Variants in GLRA3 observed in about 807,000 individuals in gnomAD.
The protein encoded by GLRA3 is glycine receptor alpha 3.
A neutral mutation model predicts 60.4 loss-of-function variants in GLRA3; 44 were observed. That is an observed-to-expected ratio of 0.73 (90% CI 0.57 to 0.94). GLRA3 has a LOEUF of 0.94. Among genes scored for constraint, GLRA3 ranks in the 40% least tolerant of loss-of-function variants. GLRA3 has a pLI of 0.00. For synonymous variants in GLRA3, 223 were observed against 192.9 expected (o/e 1.16, Z -1.29); for missense variants, 508 against 564.6 (o/e 0.90, Z 1.02).
chr4:174,688,074 A>G (rs1375954574), intron 5 of GLRA3, among the ~76,000 whole-genome samples: 1 of 151,920 alleles, frequency 6.6e-6, no homozygotes, highest in Admixed American at 6.6e-5. Context: ...GTAACACTTC[A>G]GTAGATAATT....
At chr4:174,782,057 A>G (rs1362803971) in intron 2 of GLRA3, among the ~76,000 whole-genome samples, 3 of 148,660 alleles carry the variant, frequency 2.0e-5, no homozygotes, top group Non-Finnish European at 4.5e-5. Flanking sequence ...ACATTGATGC[A>G]AAAATCCTCA....
At chr4:174,784,780 T>A (rs187251681) in intron 2 of GLRA3, among the ~76,000 whole-genome samples, 2 of 152,296 alleles carry the variant, frequency 1.3e-5, no homozygotes, top group Non-Finnish European at 1.5e-5. Flanking sequence ...TAATAGTTTT[T>A]AAAATCATTA....
At chr4:174,765,203 A>G (rs1738094377) in intron 3 of GLRA3, among the ~76,000 whole-genome samples, 1 of 152,078 alleles carries the variant, frequency 6.6e-6, no homozygotes, top group Non-Finnish European at 1.5e-5. Flanking sequence ...TGTTAAGGTA[A>G]GAAATTTAAC....
chr4:174,727,566 A>G (rs1339276542), intron 4 of GLRA3, among the ~76,000 whole-genome samples: 1 of 152,222 alleles, frequency 6.6e-6, no homozygotes, highest in Non-Finnish European at 1.5e-5. Context: ...GTTCTTCACA[A>G]CTAAACTAAA....
chr4:174,705,153 A>G (rs1416808676), intron 5 of GLRA3, among the ~76,000 whole-genome samples: 1 of 144,186 alleles, frequency 6.9e-6, no homozygotes, highest in African/African-American at 2.5e-5. Flanking sequence ...ATTGTAGCAG[A>G]GTTAAGAGGC....
Position 174,642,835 on chromosome 4 carries a change from T to C in GLRA3, c.*951A>G. The C allele has an allele frequency of 1.3e-6, 1 of 753,738 alleles. No individual in the cohort carries two copies. The highest frequency in any genetic ancestry group is 1.6e-6 in the Non-Finnish European group (1 of 618,854). 46.7% of individuals were successfully genotyped at this position (753,738 alleles called of 1,614,324 possible). A position where few individuals can be genotyped will look rare whatever the true frequency, so the allele number is the denominator to read the frequency against. ...CCATGAATCCATTTTGTTTTCATTG[T>C]ATTCATTTTTATCAAAATGTAAATA... On this transcript the variant is annotated 3_prime_UTR_variant, in exon 10 of 10. Transcript: ENST00000274093.
Position 174,716,742 on chromosome 4 carries a change from T to G in GLRA3, c.492-1172A>C, listed in dbSNP as rs151301459. Among the ~76,000 whole-genome samples the G allele has an allele frequency of 4.4e-3, 665 of 152,252 alleles. 3 individuals carry two copies. Among genetic ancestry groups the G allele is most frequent in the Admixed American group, 7.9e-3 (120 of 15,284 alleles). ...GAGTTGCTATGAGCAGTACATGCGT[T>G]AACACACATAAGTGCTTAGACAAGT... On this transcript the variant is annotated intron_variant, in intron 4 of 9. Coordinates refer to ENST00000274093, the MANE Select transcript of GLRA3 (RefSeq NM_006529.4).
intron 1 of GLRA3, among the ~76,000 whole-genome samples, chr4:174,800,606 C>G (rs1159327591): frequency 2.0e-5 from 3 of 151,974 alleles, no homozygotes; most frequent in Non-Finnish European, 4.4e-5. Flanking sequence ...ACCAAACCCC[C>G]CCCGCCAAAA....
rs148953818 is a variant in GLRA3 at position 174,647,278 on chromosome 4, G to C, written c.1117-3214C>G. Among the ~76,000 whole-genome samples, 751 of 152,032 alleles carry C rather than the reference G, an allele frequency of 4.9e-3. 8 individuals are homozygous for C. Among genetic ancestry groups the C allele is most frequent in the African/African-American group, 0.017 (696 of 41,466 alleles). ...GAAAAATTAGCCAGGTGTGGTGGTG[G>C]GCGCCTGTGGGCCCAGCTACTCTGG... On this transcript the variant is annotated intron_variant, in intron 9 of 9. Transcript: ENST00000274093.
At chr4:174,703,913 G>GA (rs34791728) in intron 5 of GLRA3, among the ~76,000 whole-genome samples, 2,832 of 152,154 alleles carry the variant, frequency 0.019, 43 homozygotes, top group Middle Eastern at 0.071. Context: ...CCAAAGTTTT[G>GA]AAAAAGCATT....
At chr4:174,644,645 G>T (rs924102462) in intron 9 of GLRA3, among the ~76,000 whole-genome samples, 1 of 152,014 alleles carries the variant, frequency 6.6e-6, no homozygotes, top group East Asian at 1.9e-4. Context: ...CTTAGAAGAT[G>T]GCCATGTATT....
At chr4:174,769,165 GTT>G (rs1477782313) in intron 2 of GLRA3, among the ~76,000 whole-genome samples, 1 of 151,774 alleles carries the variant, frequency 6.6e-6, no homozygotes, top group Admixed American at 6.6e-5. Flanking sequence ...TACATAATAT[GTT>G]TTTTCTTTTA....
chr4:174,658,649 G>T (rs944541698), intron 8 of GLRA3, among the ~76,000 whole-genome samples: 1 of 152,132 alleles, frequency 6.6e-6, no homozygotes, highest in African/African-American at 2.4e-5. Flanking sequence ...AGTAATATTT[G>T]ATGGAAATAA....
intron 1 of GLRA3, among the ~76,000 whole-genome samples, chr4:174,823,152 G>A (rs1010236056): frequency 2.6e-5 from 4 of 151,976 alleles, no homozygotes; most frequent in South Asian, 2.1e-4. Flanking sequence ...CCAGTTCTCT[G>A]GAGTTACTTG....
intron 3 of GLRA3, among the ~76,000 whole-genome samples, chr4:174,737,125 G>A (rs1212078561): frequency 2.0e-5 from 3 of 152,054 alleles, no homozygotes; most frequent in African/African-American, 7.2e-5. Context: ...TGGGACTAAT[G>A]TTATAGAACT....
chr4:174,735,198 G>A (rs570353376), intron 3 of GLRA3, among the ~76,000 whole-genome samples: 2 of 152,178 alleles, frequency 1.3e-5, no homozygotes, highest in East Asian at 1.9e-4. Context: ...TAACCAGGTG[G>A]ACTTCACTCT....
intron 1 of GLRA3, among the ~76,000 whole-genome samples, chr4:174,820,798 C>T (rs1352814847): frequency 6.6e-6 from 1 of 152,172 alleles, no homozygotes; most frequent in East Asian, 1.9e-4. Context: ...AAAAGGCAAA[C>T]ATTATTTGCT....
chr4:174,662,823 G>GTT (rs56099276), intron 7 of GLRA3, among the ~76,000 whole-genome samples: 12 of 127,522 alleles, frequency 9.4e-5, no homozygotes, highest in African/African-American at 1.5e-4. Context: ...GTTATTCCTT[G>GTT]TTTTTTTTTT....
chr4:174,812,795 A>G (rs1160363160), intron 1 of GLRA3, among the ~76,000 whole-genome samples: 1 of 152,160 alleles, frequency 6.6e-6, no homozygotes, highest in Admixed American at 6.5e-5. Context: ...ATTCTAGGTT[A>G]CCCACTCTCT....
Sources: allele counts gnomAD v4.1 joint callset (sites outside exome capture counted in the v4.1 genomes callset), GRCh38; gene constraint gnomAD v4.1.1; transcripts MANE v1.5; gene names NCBI Gene and HGNC (gene_info 2026-07-23, HGNC 2026-07-21).